The following CEP63 variants were observed in gnomAD, a reference collection of about 807,000 sequenced individuals.
CEP63 encodes centrosomal protein 63, also known as centrosomal protein of 63 kDa.
In CEP63, 84 loss-of-function variants were observed where a neutral mutation model predicts 89.1. The observed-to-expected ratio is 0.94, with a 90% confidence interval of 0.79 to 1.13. The LOEUF is 1.13. Among genes scored for constraint, CEP63 ranks in the 50% most tolerant of loss-of-function variants. The pLI, the probability that CEP63 is intolerant of heterozygous loss-of-function variation, is 0.00. For missense variants in CEP63, 838 were observed against 813.3 expected, an observed-to-expected ratio of 1.03 and a Z score of -0.37; for synonymous variants, 267 against 272.5, an observed-to-expected ratio of 0.98 and a Z score of 0.20.
At chr3:134,499,589 A>G (rs913586349) in intron 2 of CEP63, among the ~76,000 whole-genome samples, 3 of 151,770 alleles carry the variant, frequency 2.0e-5, no homozygotes, top group African/African-American at 7.3e-5. Flanking sequence ...CTCGAAGTGC[A>G]TCGTTAGGTT....
intron 3 of CEP63, among the ~76,000 whole-genome samples, chr3:134,529,339 CTTTTTTTTT>C (rs66493822): frequency 2.6e-5 from 3 of 116,938 alleles, no homozygotes; most frequent in African/African-American, 9.9e-5. Context: ...TCCCCATTGA[CTTTTTTTTT>C]TTTTTTTTTT....
chr3:134,773,425 T>G, the CEP63 span, among the ~76,000 whole-genome samples: 1 of 152,202 alleles, frequency 6.6e-6, no homozygotes, highest in African/African-American at 2.4e-5. Context: ...ATGGCACGCA[T>G]AGAAATGAAG....
chr3:134,586,471 T>A (rs1216645881), intron 10 of CEP63, among the ~76,000 whole-genome samples: 1 of 152,190 alleles, frequency 6.6e-6, no homozygotes, highest in East Asian at 1.9e-4. Context: ...TGGCTGGAAA[T>A]GAAATTCTGG....
chr3:134,733,823 G>C, the CEP63 span, among the ~76,000 whole-genome samples: 1 of 152,184 alleles, frequency 6.6e-6, no homozygotes, highest in Non-Finnish European at 1.5e-5. Flanking sequence ...TCTGTTGCTT[G>C]AGGCCACCCA....
At chr3:134,777,292 T>C in the CEP63 span, among the ~76,000 whole-genome samples, 1 of 152,234 alleles carries the variant, frequency 6.6e-6, no homozygotes, top group African/African-American at 2.4e-5. Context: ...TAATAATTAG[T>C]ATTTCATACT....
chr3:134,632,946 A>T, the CEP63 span, among the ~76,000 whole-genome samples: 1 of 152,062 alleles, frequency 6.6e-6, no homozygotes, highest in Non-Finnish European at 1.5e-5. Context: ...ACAGACCCTC[A>T]TATGTATTAA....
In CEP63 at chr3:134,581,827, T is replaced by C. The variant is rs1434743706; in HGVS notation, c.1207-5631T>C. 6.0e-5 allele frequency among the ~76,000 whole-genome samples: 9 copies of C among 149,304 alleles called. No individual in the cohort carries two copies. The East Asian group carries it at 1.0e-3, about 17-fold the overall frequency. ...AGTAGCTGGGACTACAGGCGCCCGC[T>C]ACCACGCCCGGCTAATTTGTTGTAT... On this transcript the variant is annotated intron_variant, in intron 10 of 10. Transcript: ENST00000683931.
At chr3:134,732,625 A>G in the CEP63 span, among the ~76,000 whole-genome samples, 1 of 152,160 alleles carries the variant, frequency 6.6e-6, no homozygotes, top group Non-Finnish European at 1.5e-5. Context: ...AAATAAGTAA[A>G]ATAGTTTTGA....
At chr3:134,718,804 A>G in the CEP63 span, among the ~76,000 whole-genome samples, 1 of 152,210 alleles carries the variant, frequency 6.6e-6, no homozygotes, top group Non-Finnish European at 1.5e-5. Context: ...AGCGGATTTG[A>G]TCAGACTGGA....
At position 134,547,345 on chromosome 3, in the gene CEP63, G is replaced by T. The variant is rs778023805; in HGVS notation, c.940G>T (p.Glu314Ter). The T allele has an allele frequency of 6.2e-7, 1 of 1,613,564 alleles. No individual in the cohort carries two copies. ...HAVEAIRPREESLAEKKYTSQ... is the reference protein window; with the variant it reads ...HAVEAIRPRE ...TATGTCTTTCCATAGGCCACGGGAA[G>T]AATCTCTGGCAGAAAAGAAGTACAC... Residue 314 changes from glutamate (E) to a stop codon, truncating the protein, a stop_gained, in exon 9 of 15, where the codon GAA (glutamate) becomes TAA (stop). Coordinates refer to ENST00000675561, the MANE Select transcript of CEP63 (RefSeq NM_001353108.3). LOFTEE classifies it high-confidence loss of function.
chr3:134,690,110 T>C, the CEP63 span, among the ~76,000 whole-genome samples: 2 of 152,240 alleles, frequency 1.3e-5, no homozygotes, highest in Admixed American at 6.5e-5. Flanking sequence ...AATCTTTCTA[T>C]GTAATACTTT....
At chr3:134,628,897 G>A in the CEP63 span, among the ~76,000 whole-genome samples, 2 of 152,210 alleles carry the variant, frequency 1.3e-5, no homozygotes, top group African/African-American at 4.8e-5. Flanking sequence ...CCTGACTGCT[G>A]ATGACTACAG....
the CEP63 span, among the ~76,000 whole-genome samples, chr3:134,735,677 A>T: frequency 6.6e-6 from 1 of 152,246 alleles, no homozygotes; most frequent in South Asian, 2.1e-4. Flanking sequence ...ACAAATATTG[A>T]TTTGGGGATT....
At chr3:134,519,739 A>T (rs951844790) in intron 3 of CEP63, among the ~76,000 whole-genome samples, 1 of 152,224 alleles carries the variant, frequency 6.6e-6, no homozygotes, top group African/African-American at 2.4e-5. Context: ...TAGAAATTAC[A>T]TACTAACTTA....
the CEP63 span, among the ~76,000 whole-genome samples, chr3:134,714,835 T>C: frequency 6.6e-6 from 1 of 152,210 alleles, no homozygotes; most frequent in East Asian, 1.9e-4. Context: ...CACTTCTGTG[T>C]TGAGTGCCAG....
chr3:134,485,991 G>GCCCCCCCCCCCCCCCCC (rs5852785), upstream of CEP63: 2 of 846,592 alleles, frequency 2.4e-6, no homozygotes, highest in African/African-American at 3.9e-5. Flanking sequence ...CTCCTGCCAC[G>GCCCCCCCCCCCCCCCCC]CCCCCCCCCC....
the CEP63 span, among the ~76,000 whole-genome samples, chr3:134,767,739 G>A: frequency 6.6e-6 from 1 of 152,138 alleles, no homozygotes; most frequent in Non-Finnish European, 1.5e-5. Flanking sequence ...TTCTTGCCGA[G>A]GGCTTTGTTT....
chr3:134,618,354 A>C, the CEP63 span, among the ~76,000 whole-genome samples: 5 of 152,166 alleles, frequency 3.3e-5, no homozygotes, highest in Admixed American at 3.3e-4. Context: ...GTGGGCTGAC[A>C]TCTGGGTGCC....
chr3:134,552,679 TTATG>T (rs1206905847), intron 12 of CEP63: 1 of 152,074 alleles, frequency 6.6e-6, no homozygotes. Flanking sequence ...TTAATGATTA[TTATG>T]TTTGTTATCT....
Sources: allele counts gnomAD v4.1 joint callset (sites outside exome capture counted in the v4.1 genomes callset), GRCh38; gene constraint gnomAD v4.1.1; transcripts MANE v1.5; gene names NCBI Gene and HGNC (gene_info 2026-07-23, HGNC 2026-07-21).